LOC128462377: variants seen among roughly 807,000 people sequenced by gnomAD.
At chr16:89,384,879 C>CTTTTTTTTTTTTTTTTTTTTTTTT in the LOC128462377 span, among the ~76,000 whole-genome samples, 60 of 49,942 alleles carry the variant, frequency 1.2e-3, 5 homozygotes, top group East Asian at 2.7e-3. Flanking sequence ...AAATAGTTTT[C>CTTTTTTTTTTTTTTTTTTTTTTTT]TTTTTTTTTT....
At chr16:89,409,232 C>T in the LOC128462377 span, among the ~76,000 whole-genome samples, 1 of 152,188 alleles carries the variant, frequency 6.6e-6, no homozygotes, top group Non-Finnish European at 1.5e-5. Context: ...CAATTCCACC[C>T]GCCTCCACAG....
chr16:89,398,678 G>C, the LOC128462377 span, among the ~76,000 whole-genome samples: 1 of 152,124 alleles, frequency 6.6e-6, no homozygotes, highest in Non-Finnish European at 1.5e-5. Flanking sequence ...GGAGGTTGAG[G>C]CTGCAGTGAG....
chr16:89,336,382 C>T, the LOC128462377 span, among the ~76,000 whole-genome samples: 1 of 152,192 alleles, frequency 6.6e-6, no homozygotes, highest in South Asian at 2.1e-4. Flanking sequence ...ACAGACAGCA[C>T]ACTGGATTCA....
the LOC128462377 span, among the ~76,000 whole-genome samples, chr16:89,391,101 G>A: frequency 9.3e-4 from 141 of 152,096 alleles, no homozygotes; most frequent in Non-Finnish European, 1.4e-3. Context: ...GGTGGTGGGC[G>A]CCTGTAGTCC....
chr16:89,318,625 C>T, the LOC128462377 span, among the ~76,000 whole-genome samples: 10 of 152,244 alleles, frequency 6.6e-5, no homozygotes, highest in East Asian at 1.9e-4. Context: ...CTAAAGGATA[C>T]GTTGCATGCC....
chr16:89,383,525 T>C, the LOC128462377 span, among the ~76,000 whole-genome samples: 1 of 152,190 alleles, frequency 6.6e-6, no homozygotes, highest in Non-Finnish European at 1.5e-5. Context: ...CTGCCTCCTG[T>C]GTCTGCAAGA....
the LOC128462377 span, among the ~76,000 whole-genome samples, chr16:89,360,282 G>A: frequency 6.6e-6 from 1 of 152,078 alleles, no homozygotes; most frequent in South Asian, 2.1e-4. Flanking sequence ...TTTGTATTAG[G>A]GATGGGGCTT....
At chr16:89,338,646 A>G in the LOC128462377 span, among the ~76,000 whole-genome samples, 46 of 142,926 alleles carry the variant, frequency 3.2e-4, no homozygotes, top group Non-Finnish European at 6.6e-4. Flanking sequence ...AATTGCTTGA[A>G]CCTGGGAAGC....
chr16:89,385,389 A>G, the LOC128462377 span, among the ~76,000 whole-genome samples: 2 of 152,052 alleles, frequency 1.3e-5, no homozygotes, highest in Non-Finnish European at 2.9e-5. Flanking sequence ...TCAGCCTCCC[A>G]AAGTGCTGGG....
chr16:89,397,423 C>T, the LOC128462377 span, among the ~76,000 whole-genome samples: 1 of 152,248 alleles, frequency 6.6e-6, no homozygotes, highest in South Asian at 2.1e-4. Flanking sequence ...ATTCTGGACT[C>T]CCAGCGCCGT....
At chr16:89,327,080 T>TGGGGAA in the LOC128462377 span, among the ~76,000 whole-genome samples, 19 of 142,628 alleles carry the variant, frequency 1.3e-4, no homozygotes, top group South Asian at 4.6e-4. Flanking sequence ...AATGCAGAGG[T>TGGGGAA]TGGAAATGCA....
At chr16:89,414,314 A>G in the LOC128462377 span, among the ~76,000 whole-genome samples, 1 of 152,258 alleles carries the variant, frequency 6.6e-6, no homozygotes, top group East Asian at 1.9e-4. Context: ...TGAAAGTCCC[A>G]TTTCACAGCA....
chr16:89,376,311 G>C, the LOC128462377 span, among the ~76,000 whole-genome samples: 1 of 152,210 alleles, frequency 6.6e-6, no homozygotes, highest in African/African-American at 2.4e-5. Flanking sequence ...GACAGTTTTA[G>C]AACGTTTGGC....
chr16:89,357,016 T>C, the LOC128462377 span, among the ~76,000 whole-genome samples: 1 of 152,202 alleles, frequency 6.6e-6, no homozygotes, highest in Non-Finnish European at 1.5e-5. Context: ...GTCCCAATGC[T>C]AATGGTTCAA....
At chr16:89,393,633 C>T in the LOC128462377 span, among the ~76,000 whole-genome samples, 3 of 151,892 alleles carry the variant, frequency 2.0e-5, no homozygotes, top group Admixed American at 1.3e-4. Context: ...GAAGCCACTG[C>T]GCCCGGCCTA....
the LOC128462377 span, among the ~76,000 whole-genome samples, chr16:89,367,495 C>A: frequency 6.6e-6 from 1 of 152,212 alleles, no homozygotes; most frequent in Admixed American, 6.5e-5. Context: ...GAGTGTACAG[C>A]TGCCATGGTC....
chr16:89,385,699 C>T, the LOC128462377 span, among the ~76,000 whole-genome samples: 1 of 152,268 alleles, frequency 6.6e-6, no homozygotes, highest in Non-Finnish European at 1.5e-5. Flanking sequence ...TACAGTCCAT[C>T]ACGTACAGTC....
the LOC128462377 span, among the ~76,000 whole-genome samples, chr16:89,393,833 G>A: frequency 1.3e-5 from 2 of 152,166 alleles, no homozygotes; most frequent in East Asian, 1.9e-4. Flanking sequence ...TGAATAGGAG[G>A]AGACATGTCA....
chr16:89,352,464 A>AGG, the LOC128462377 span, among the ~76,000 whole-genome samples: 8 of 151,628 alleles, frequency 5.3e-5, no homozygotes, highest in Non-Finnish European at 1.2e-4. Context: ...CTGGGCACAG[A>AGG]GGAATGTCAG....
Sources: allele counts gnomAD v4.1 joint callset (sites outside exome capture counted in the v4.1 genomes callset), GRCh38; gene constraint gnomAD v4.1.1; transcripts MANE v1.5.